The following HHLA1 variants were observed in gnomAD, a reference collection of about 807,000 sequenced individuals.
HHLA1 encodes the protein HERV-H LTR-associating protein 1.
Under a neutral mutation model 69.9 loss-of-function variants are expected in HHLA1, and 72 were observed. That is an observed-to-expected ratio of 1.03 (90% CI 0.85 to 1.25). HHLA1 has a LOEUF of 1.25. Among genes scored for constraint, HHLA1 ranks in the 50% most tolerant of loss-of-function variants. HHLA1 has a pLI of 0.00. For synonymous variants in HHLA1, 252 were observed against 233.2 expected (o/e 1.08, Z -0.73); for missense variants, 685 against 642.2 (o/e 1.07, Z -0.72).
chr8:132,078,034 A>C (rs1201628671), intron 11 of HHLA1, 63 bp from the exon 12 acceptor site: 19 of 1,521,316 alleles, frequency 1.2e-5, no homozygotes, highest in Non-Finnish European at 1.7e-5. Context: ...TTCAGACATG[A>C]AATTGCTGAG....
chr8:132,069,212 T>C (rs541171612), intron 15 of HHLA1, among the ~76,000 whole-genome samples: 2 of 152,290 alleles, frequency 1.3e-5, no homozygotes, highest in Admixed American at 6.5e-5. Context: ...ATGCTATTTC[T>C]TTTGCCTGGA....
Position 132,079,957 on chromosome 8 carries a change from G to C in HHLA1, c.686C>G (p.Thr229Ser). The stretch of plus-strand genomic sequence containing the variant: ...CTTTGAAGTCCTGGCAGTTCCCCTG[G>C]TAGCTGCACCTTCAGGGAGGCAGTC... ...SGLSGVLGAA[T>S]RGTARTSKPT... The change falls in exon 11 of 17, where the codon ACC becomes AGC. Residue 229 changes from threonine (T) to serine (S), a missense_variant. Coordinates refer to ENST00000414222, the MANE Select transcript of HHLA1 (RefSeq NM_001145095.3). 8 of 1,552,310 alleles carry C rather than the reference G, an allele frequency of 5.2e-6. No individual in the cohort carries two copies. Among genetic ancestry groups the C allele is most frequent in the Non-Finnish European group, 7.0e-6 (8 of 1,147,112 alleles).
At chr8:132,065,751 C>T (rs2130873010) in intron 16 of HHLA1, 135 bp downstream of exon 16, 1 of 390,376 alleles carries the variant, frequency 2.6e-6, no homozygotes, top group South Asian at 2.1e-5. Context: ...ATCCTAGGTG[C>T]TCTTTGTCCC....
chr8:132,110,396 T>G (rs1394657467), intron 1 of HHLA1, among the ~76,000 whole-genome samples: 1 of 152,202 alleles, frequency 6.6e-6, no homozygotes, highest in Non-Finnish European at 1.5e-5. Flanking sequence ...ACTTAGGTAG[T>G]TTGGTTCCAT....
At chr8:132,074,626 A>G (rs776545302) in intron 14 of HHLA1, among the ~76,000 whole-genome samples, 4 of 152,142 alleles carry the variant, frequency 2.6e-5, no homozygotes, top group Admixed American at 6.5e-5. Flanking sequence ...TGAGCAGAAT[A>G]AGTTACTGAG....
intron 4 of HHLA1, among the ~76,000 whole-genome samples, chr8:132,099,164 T>C (rs1824075022): frequency 6.6e-6 from 1 of 152,078 alleles, no homozygotes; most frequent in African/African-American, 2.4e-5. Context: ...GTGACAAATA[T>C]AGATAAGAGA....
intron 8 of HHLA1, among the ~76,000 whole-genome samples, chr8:132,088,814 A>G (rs1467126506): frequency 6.6e-6 from 1 of 152,216 alleles, no homozygotes; most frequent in East Asian, 1.9e-4. Context: ...CCTGTCAAGT[A>G]GGGATAAATA....
At chr8:132,086,283 T>C (rs1966701) in intron 10 of HHLA1, among the ~76,000 whole-genome samples, 12,759 of 152,138 alleles carry the variant, frequency 0.084, 661 homozygotes, top group South Asian at 0.23. Flanking sequence ...TGGCCTATAG[T>C]CTGGTGGGCA....
At chr8:132,108,845 A>C (rs12542487) in intron 1 of HHLA1, among the ~76,000 whole-genome samples, 13,286 of 152,194 alleles carry the variant, frequency 0.087, 808 homozygotes, top group Admixed American at 0.15. Context: ...AAACCTTAGC[A>C]TCCATTGGTT....
At chr8:132,099,723 C>T (rs991332585) in intron 4 of HHLA1, among the ~76,000 whole-genome samples, 1 of 151,868 alleles carries the variant, frequency 6.6e-6, no homozygotes, top group East Asian at 1.9e-4. Flanking sequence ...GTGTGGTGGC[C>T]GGTGCCTGTA....
At chr8:132,097,160 T>A (rs532824738) in intron 5 of HHLA1, among the ~76,000 whole-genome samples, 1 of 152,172 alleles carries the variant, frequency 6.6e-6, no homozygotes, top group Admixed American at 6.5e-5. Flanking sequence ...TTTAATAAGC[T>A]CCTTAGAAGA....
intron 3 of HHLA1, among the ~76,000 whole-genome samples, chr8:132,100,617 T>C (rs1273258989): frequency 6.6e-6 from 1 of 152,234 alleles, no homozygotes; most frequent in African/African-American, 2.4e-5. Flanking sequence ...CGTTCTTCAT[T>C]GGTTCATTCA....
rs144027651 is a variant in HHLA1 at position 132,110,304 on chromosome 8, C to G, written c.-22+798G>C. Reference sequence around the variant, plus strand: ...TCCATATAGATATCAGCTCTCCCTCCTTGAAGAGAAACCAGAAGCCTGGGG... The same window carrying G: ...TCCATATAGATATCAGCTCTCCCTCGTTGAAGAGAAACCAGAAGCCTGGGG... On this transcript the variant is annotated intron_variant, in intron 1 of 16. Coordinates refer to ENST00000414222, the MANE Select transcript of HHLA1 (RefSeq NM_001145095.3). 4.0e-3 allele frequency among the ~76,000 whole-genome samples: 603 copies of G among 152,220 alleles called. 6 individuals carry two copies. The highest frequency in any genetic ancestry group is 0.014 in the African/African-American group (580 of 41,542).
At chr8:132,089,027 T>C (rs890542165) in intron 8 of HHLA1, among the ~76,000 whole-genome samples, 10 of 152,232 alleles carry the variant, frequency 6.6e-5, no homozygotes, top group Non-Finnish European at 1.5e-5. Context: ...AGATCCTTGC[T>C]TTTCAAAGTG....
Position 132,087,663 on chromosome 8 carries a change from A to G in HHLA1, c.666T>C (p.Ser222=). 6.4e-7 allele frequency: 1 copy of G among 1,550,988 alleles called. No homozygotes were observed. The highest frequency in any genetic ancestry group is 8.7e-7 in the Non-Finnish European group (1 of 1,146,366). Residue 222 remains serine (S), a synonymous_variant, in exon 10 of 17, where the codon TCT becomes TCC. Coordinates refer to ENST00000414222, the MANE Select transcript of HHLA1 (RefSeq NM_001145095.3). The stretch of plus-strand genomic sequence containing the variant: ...GAGGTTGGTACTCACCCAGAACACC[A>G]GACAAGCCGCTGGTAAATGTGTAAT... ...IINYTFTSGL[S]GVLGAATRGT...
chr8:132,100,845 A>G (rs114846075), intron 3 of HHLA1, among the ~76,000 whole-genome samples: 2,413 of 152,346 alleles, frequency 0.016, 68 homozygotes, highest in African/African-American at 0.05. Context: ...TGGAAGTGAC[A>G]TTAAGCAGAG....
intron 4 of HHLA1, among the ~76,000 whole-genome samples, chr8:132,099,182 A>G (rs531479574): frequency 9.8e-5 from 15 of 152,336 alleles, no homozygotes; most frequent in East Asian, 3.9e-4. Flanking sequence ...AGAAATTCCA[A>G]TGAAGCACAG....
At chr8:132,067,814 A>C (rs1823467531) in intron 15 of HHLA1, among the ~76,000 whole-genome samples, 1 of 152,226 alleles carries the variant, frequency 6.6e-6, no homozygotes, top group Non-Finnish European at 1.5e-5. Context: ...TGTAGGCAGG[A>C]CTATACCCAT....
chr8:132,067,207 C>T (rs1051453733), intron 15 of HHLA1, among the ~76,000 whole-genome samples: 2 of 152,152 alleles, frequency 1.3e-5, no homozygotes, highest in Admixed American at 6.5e-5. Flanking sequence ...TAGAGCCGCT[C>T]CTGGAAATAT....
Sources: allele counts gnomAD v4.1 joint callset (sites outside exome capture counted in the v4.1 genomes callset), GRCh38; gene constraint gnomAD v4.1.1; transcripts MANE v1.5; gene names NCBI Gene and HGNC (gene_info 2026-07-23, HGNC 2026-07-21).